Variants in TASP1 observed in about 807,000 individuals in gnomAD.
TASP1 encodes taspase 1.
Under a neutral mutation model 56.6 loss-of-function variants are expected in TASP1, and 16 were observed. The ratio of observed to expected loss-of-function variants is 0.28; its 90% CI spans 0.19 to 0.43. The LOEUF (loss-of-function observed/expected upper bound fraction) is 0.43, where lower values mean the gene tolerates loss of function less well. TASP1 is among the 20% of genes least tolerant of loss of function. The pLI is 1.00. For missense variants in TASP1, 393 were observed against 511.6 expected (o/e 0.77, Z 2.24); for synonymous variants, 179 against 184.2 (o/e 0.97, Z 0.23).
At chr20:13,234,546 G>A in the TASP1 span, among the ~76,000 whole-genome samples, 2 of 152,154 alleles carry the variant, frequency 1.3e-5, no homozygotes, top group Non-Finnish European at 2.9e-5. Flanking sequence ...TTCTATAAAG[G>A]TTGTGCTTAT....
intron 5 of TASP1, among the ~76,000 whole-genome samples, chr20:13,584,031 A>G (rs1476196973): frequency 6.6e-6 from 1 of 152,170 alleles, no homozygotes; most frequent in African/African-American, 2.4e-5. Flanking sequence ...GTGAGCCAAG[A>G]TCGCACCACT....
rs117881364 is a variant in TASP1 at position 13,489,289 on chromosome 20, G to A, written c.875-5952C>T. Among the ~76,000 whole-genome samples, 170 of 152,184 alleles carry A rather than the reference G, an allele frequency of 1.1e-3. 3 individuals are homozygous for A. The East Asian group carries it at 0.021, about 18-fold the overall frequency. On this transcript the variant is annotated intron_variant, in intron 10 of 13. Transcript: ENST00000337743. ...AAGTGACAAATATCATTACCATTCC[G>A]GTCCCTGGCCAGAAAGAGCTACACA...
intron 10 of TASP1, among the ~76,000 whole-genome samples, chr20:13,506,832 T>C (rs1467848952): frequency 6.6e-6 from 1 of 150,950 alleles, no homozygotes; most frequent in Non-Finnish European, 1.5e-5. Flanking sequence ...CCCACTCTCA[T>C]CACTTCTTTT....
chr20:13,596,154 C>A (rs2047721813), intron 4 of TASP1, among the ~76,000 whole-genome samples: 1 of 152,096 alleles, frequency 6.6e-6, no homozygotes, highest in Non-Finnish European at 1.5e-5. Flanking sequence ...GGGCAGATCA[C>A]CTGAGGTCGG....
chr20:13,597,909 T>A (rs887409493), intron 4 of TASP1, among the ~76,000 whole-genome samples: 2 of 152,106 alleles, frequency 1.3e-5, no homozygotes, highest in African/African-American at 4.8e-5. Context: ...GAGAGCCAAA[T>A]CATGAGTGAA....
the TASP1 span, among the ~76,000 whole-genome samples, chr20:13,260,527 A>G: frequency 6.6e-6 from 1 of 152,158 alleles, no homozygotes; most frequent in Non-Finnish European, 1.5e-5. Flanking sequence ...CATTTCATGC[A>G]TTTGTGAACC....
chr20:13,195,345 T>A, the TASP1 span, among the ~76,000 whole-genome samples: 1 of 152,194 alleles, frequency 6.6e-6, no homozygotes, highest in African/African-American at 2.4e-5. Context: ...GTGGCAGGCA[T>A]CTATGTCCCT....
chr20:13,590,647 T>C (rs371934095), intron 4 of TASP1, among the ~76,000 whole-genome samples: 66 of 152,056 alleles, frequency 4.3e-4, no homozygotes, highest in East Asian at 3.7e-3. Flanking sequence ...GCGGGAGGAT[T>C]ACAAGGTCAG....
chr20:13,202,922 C>T, the TASP1 span, among the ~76,000 whole-genome samples: 1 of 152,158 alleles, frequency 6.6e-6, no homozygotes, highest in Non-Finnish European at 1.5e-5. Context: ...AGCTATAGTT[C>T]ACTATGTACA....
chr20:13,363,431 G>A, the TASP1 span, among the ~76,000 whole-genome samples: 212 of 152,246 alleles, frequency 1.4e-3, no homozygotes, highest in African/African-American at 4.8e-3. Context: ...TGAAATCTTT[G>A]CCCTGTATAT....
At chr20:13,344,077 G>A in the TASP1 span, among the ~76,000 whole-genome samples, 18 of 152,034 alleles carry the variant, frequency 1.2e-4, 1 homozygote, top group East Asian at 3.9e-4. Context: ...CGATTCCATC[G>A]TTCCTTCATT....
rs568059433 is a variant in TASP1 at position 13,577,522 on chromosome 20, G to A, written c.488+3375C>T. On this transcript the variant is annotated intron_variant, in intron 6 of 13. Transcript: ENST00000337743. Reference sequence around the variant, plus strand: ...CAGTGTGATAATATTTGGAGATGGGGCCTTTGGGAAATAATGAGAGTTGGA... The same window carrying A: ...CAGTGTGATAATATTTGGAGATGGGACCTTTGGGAAATAATGAGAGTTGGA... 6.6e-5 allele frequency among the ~76,000 whole-genome samples: 10 copies of A among 152,266 alleles called. No individual in the cohort carries two copies. The South Asian group carries it at 2.1e-3, about 32-fold the overall frequency.
At chr20:13,613,572 C>T (rs1336471521) in intron 4 of TASP1, among the ~76,000 whole-genome samples, 3 of 151,902 alleles carry the variant, frequency 2.0e-5, no homozygotes, top group African/African-American at 7.3e-5. Context: ...GAAAAAAAGG[C>T]ACATGAGATT....
the TASP1 span, among the ~76,000 whole-genome samples, chr20:13,155,726 T>C: frequency 6.6e-6 from 1 of 152,020 alleles, no homozygotes. Context: ...CTCGGGAGGC[T>C]GAGGCAGGAA....
chr20:13,220,994 C>G, the TASP1 span, among the ~76,000 whole-genome samples: 3 of 152,150 alleles, frequency 2.0e-5, no homozygotes, highest in South Asian at 6.2e-4. Context: ...CTGACGCTGC[C>G]GCCGAGGGCG....
chr20:13,501,416 AT>A (rs1172201815), intron 10 of TASP1, among the ~76,000 whole-genome samples: 1 of 152,056 alleles, frequency 6.6e-6, no homozygotes, highest in Non-Finnish European at 1.5e-5. Context: ...TTGTAACATA[AT>A]ATGCCAAGAG....
intron 13 of TASP1, among the ~76,000 whole-genome samples, chr20:13,402,131 T>C (rs2041760815): frequency 6.6e-6 from 1 of 152,222 alleles, no homozygotes; most frequent in Admixed American, 6.5e-5. Flanking sequence ...TTTGAATACA[T>C]ATTATTCGCA....
chr20:13,435,173 T>C lies in TASP1; in HGVS notation c.986-19A>G. 7 of 1,514,706 alleles carry C rather than the reference T, an allele frequency of 4.6e-6. No homozygotes were observed. The highest frequency in any genetic ancestry group is 6.2e-6 in the Non-Finnish European group (7 of 1,120,758). The allele number at this position is 1,514,706 out of a possible 1,614,324, so 93.8% of individuals were successfully genotyped here. On this transcript the variant is annotated intron_variant, in intron 11 of 13. Transcript: ENST00000337743. ...GGTGAACCTAGGCAGAAAGGACTAG[T>C]AGTTATTTTTCAGTGAATTTTACTT...
chr20:13,209,744 C>T, the TASP1 span, among the ~76,000 whole-genome samples: 68,666 of 152,034 alleles, frequency 0.45, 17,118 homozygotes, highest in African/African-American at 0.68. Context: ...CATAGATGTT[C>T]TGAAGATTCA....
Sources: gnomAD v4.1 joint callset for allele counts (sites outside exome capture counted in the v4.1 genomes callset) on GRCh38, gnomAD v4.1.1 for gene constraint, MANE v1.5 for transcripts, NCBI Gene and HGNC (gene_info 2026-07-23, HGNC 2026-07-21) for gene names.